SCLT1: variants seen among roughly 807,000 people sequenced by gnomAD.
SCLT1 encodes the protein sodium channel-associated protein 1.
SCLT1 carries 78 observed loss-of-function variants against 112.8 expected under a neutral mutation model. The observed-to-expected ratio is 0.69, with a 90% CI of 0.58 to 0.83. The LOEUF is 0.83. SCLT1 is among the 40% of genes least tolerant of loss of function. The pLI, the probability that SCLT1 is intolerant of heterozygous loss-of-function variation, is 0.00. For missense variants in SCLT1, 747 were observed against 770.4 expected (o/e 0.97, Z 0.36); for synonymous variants, 257 against 254.7 (o/e 1.01, Z -0.09).
At chr4:128,902,357 C>T (rs1324082287) in intron 18 of SCLT1, among the ~76,000 whole-genome samples, 1 of 152,122 alleles carries the variant, frequency 6.6e-6, no homozygotes, top group Non-Finnish European at 1.5e-5. Context: ...ACAGAGTTTG[C>T]TACACAAACC....
intron 11 of SCLT1, 47 bp from the exon 12 acceptor site, chr4:128,959,824 A>G: frequency 6.9e-7 from 1 of 1,457,882 alleles, no homozygotes; most frequent in Non-Finnish European, 9.6e-7. Context: ...TTTTAAAGGG[A>G]AGGAGGGAGA....
Position 129,040,094 on chromosome 4 carries a change from C to T in SCLT1, c.235-998G>A, listed in dbSNP as rs1468881632. On this transcript the variant is annotated intron_variant, in intron 4 of 20. Coordinates refer to ENST00000281142, the MANE Select transcript of SCLT1 (RefSeq NM_144643.4). ...CAGGTGGAACAGGCAGTTCTGCCAG[C>T]CTTTTTCTCTCTCTTTCAACCGAGA... The T allele has an allele frequency of 2.1e-5, 14 of 681,288 alleles. No homozygotes were observed. In the East Asian group the frequency reaches 3.8e-4, roughly 18 times the overall value. The allele number at this position is 681,288 out of a possible 1,614,324, so 42.2% of individuals were successfully genotyped here.
Position 129,082,333 on chromosome 4 carries a change from T to C in SCLT1, c.75A>G (p.Glu25=). The change falls in exon 2 of 21, where the codon GAA becomes GAG. Residue 25 remains glutamate, a synonymous_variant. Coordinates refer to ENST00000281142, the MANE Select transcript of SCLT1 (RefSeq NM_144643.4). Reference sequence around the variant, plus strand: ...GTACAGATGAATATTTGGAAAAACTTTCCATTTGATACCGCCTAAAATCTT... The same window carrying C: ...GTACAGATGAATATTTGGAAAAACTCTCCATTTGATACCGCCTAAAATCTT... ...LNEDFRRYQM[E]SFSKYSSVQK... 1 of 1,589,864 alleles carries C rather than the reference T, an allele frequency of 6.3e-7. No homozygotes were observed. The highest frequency in any genetic ancestry group is 1.1e-5 in the South Asian group (1 of 88,292).
At chr4:129,053,038 T>C (rs965514309) in intron 2 of SCLT1, among the ~76,000 whole-genome samples, 2 of 152,172 alleles carry the variant, frequency 1.3e-5, no homozygotes, top group African/African-American at 4.8e-5. Flanking sequence ...CTGTGTGGTT[T>C]TGAGTGAGTT....
At chr4:129,052,333 G>A (rs138421670) in intron 2 of SCLT1, among the ~76,000 whole-genome samples, 50 of 152,224 alleles carry the variant, frequency 3.3e-4, no homozygotes, top group East Asian at 1.7e-3. Flanking sequence ...GGTAGAATCC[G>A]GCTGTGAATC....
At chr4:128,894,419 A>G (rs919382802) in intron 18 of SCLT1, among the ~76,000 whole-genome samples, 2 of 148,176 alleles carry the variant, frequency 1.3e-5, no homozygotes, top group African/African-American at 2.5e-5. Context: ...CACACAGAGT[A>G]TATGTGTGTG....
At chr4:128,964,639 C>T (rs34483420) in intron 11 of SCLT1, among the ~76,000 whole-genome samples, 1 of 152,140 alleles carries the variant, frequency 6.6e-6, no homozygotes, top group African/African-American at 2.4e-5. Flanking sequence ...AAATAACATT[C>T]CTCTCCTTTC....
intron 8 of SCLT1, among the ~76,000 whole-genome samples, chr4:128,996,454 A>C (rs1202457350): frequency 1.3e-5 from 2 of 152,036 alleles, no homozygotes; most frequent in Non-Finnish European, 2.9e-5. Context: ...TTTGTTGGAA[A>C]CTTCTTGATT....
At chr4:129,063,970 T>C (rs1017074556) in intron 2 of SCLT1, among the ~76,000 whole-genome samples, 1 of 152,232 alleles carries the variant, frequency 6.6e-6, no homozygotes, top group Non-Finnish European at 1.5e-5. Context: ...GCAGGAGTGA[T>C]GCAGGTGAAC....
At chr4:128,961,701 A>G (rs1034040588) in intron 11 of SCLT1, among the ~76,000 whole-genome samples, 4 of 152,140 alleles carry the variant, frequency 2.6e-5, no homozygotes, top group African/African-American at 9.7e-5. Flanking sequence ...GTCTGTGTTC[A>G]AAAGTATTTC....
chr4:128,878,792 T>C (rs1358872041), intron 3 of SCLT1, among the ~76,000 whole-genome samples: 1 of 152,174 alleles, frequency 6.6e-6, no homozygotes, highest in Non-Finnish European at 1.5e-5. Flanking sequence ...TAGATCTATT[T>C]TTTTCTACTA....
chr4:128,945,038 A>G (rs1023009994), intron 16 of SCLT1: 7 of 152,172 alleles, frequency 4.6e-5, no homozygotes, highest in African/African-American at 1.7e-4. Context: ...ACCTTATTCT[A>G]TGTTTACACC....
intron 9 of SCLT1, among the ~76,000 whole-genome samples, chr4:128,985,493 T>C (rs1251459240): frequency 6.6e-6 from 1 of 152,168 alleles, no homozygotes; most frequent in Non-Finnish European, 1.5e-5. Flanking sequence ...TTGAAATGCT[T>C]ATTCATATCG....
At position 129,070,050 on chromosome 4, in the gene SCLT1, T is replaced by A. The variant is rs567823000; in HGVS notation, c.102+12256A>T. ...TGTTTTTAATTCTGTTTATGTTGAG[T>A]ATCACACGTATTGACTTGCATATGT... On this transcript the variant is annotated intron_variant, in intron 2 of 20. Transcript: ENST00000281142. 7.9e-5 allele frequency among the ~76,000 whole-genome samples: 12 copies of A among 152,270 alleles called. 1 individual carries two copies. Among genetic ancestry groups the A allele is most frequent in the African/African-American group, 2.6e-4 (11 of 41,568 alleles).
Position 128,999,678 on chromosome 4 carries a change from T to G in SCLT1, c.543A>C (p.Lys181Asn). 6.3e-7 allele frequency: 1 copy of G among 1,597,954 alleles called. No homozygotes were observed. Among genetic ancestry groups the G allele is most frequent in the Non-Finnish European group, 8.5e-7 (1 of 1,171,132 alleles). Reference sequence around the variant, plus strand: ...TGATGAAATCCAAGATTACCTTTTGTTTTTGACTTTCAAATACATGAATCT... The same window carrying G: ...TGATGAAATCCAAGATTACCTTTTGGTTTTGACTTTCAAATACATGAATCT... ...EAQIHVFESQ[K>N]QKDQLFDFQQ... Residue 181 changes from lysine (K) to asparagine (N), a missense_variant, in exon 7 of 21, where the codon AAA (lysine) becomes AAC (asparagine). This residue lies in a region of SCLT1 where 723 missense variants were observed against 721.3 expected (regional missense o/e 1.00). Transcript: ENST00000281142.
intron 7 of SCLT1, among the ~76,000 whole-genome samples, chr4:128,998,807 T>C (rs377305611): frequency 1.3e-5 from 2 of 151,996 alleles, no homozygotes; most frequent in South Asian, 4.1e-4. Flanking sequence ...ACAATTTCTT[T>C]AGGTAGATAT....
At chr4:129,000,983 AT>A (rs1743432828) in intron 6 of SCLT1, among the ~76,000 whole-genome samples, 1 of 151,982 alleles carries the variant, frequency 6.6e-6, no homozygotes, top group Non-Finnish European at 1.5e-5. Context: ...CTAATTAAAA[AT>A]TTTAAAAGCG....
intron 18 of SCLT1, among the ~76,000 whole-genome samples, chr4:128,896,310 C>T (rs1579307094): frequency 2.6e-5 from 4 of 152,126 alleles, no homozygotes; most frequent in Admixed American, 6.5e-5. Flanking sequence ...TGGCTGGGTG[C>T]TCCTCTGAGA....
At chr4:128,924,826 C>T (rs1035190391) in intron 18 of SCLT1, among the ~76,000 whole-genome samples, 3 of 152,176 alleles carry the variant, frequency 2.0e-5, no homozygotes, top group African/African-American at 7.2e-5. Context: ...CCTATGTGGG[C>T]TCTACCCAGG....
Sources: allele counts gnomAD v4.1 joint callset (sites outside exome capture counted in the v4.1 genomes callset), GRCh38; gene constraint gnomAD v4.1.1; regional missense constraint gnomAD v4.1.1; transcripts MANE v1.5; gene names NCBI Gene and HGNC (gene_info 2026-07-23, HGNC 2026-07-21).